The following NTM variants were observed in gnomAD, a reference collection of about 807,000 sequenced individuals.
The protein encoded by NTM is neurotrimin.
Under a neutral mutation model 42.1 loss-of-function variants are expected in NTM, and 13 were observed. The ratio of observed to expected loss-of-function variants is 0.31; its 90% CI spans 0.20 to 0.49. The LOEUF is 0.49. Ranked by LOEUF, NTM falls within the 20% of genes least tolerant of loss-of-function variation. NTM has a pLI of 0.99. For missense variants in NTM, 373 were observed against 452.8 expected (o/e 0.82, Z 1.60); for synonymous variants, 187 against 179.2 (o/e 1.04, Z -0.35).
intron 4 of NTM, among the ~76,000 whole-genome samples, chr11:132,267,466 G>T (rs1456057375): frequency 7.7e-6 from 1 of 130,092 alleles, no homozygotes; most frequent in Non-Finnish European, 1.6e-5. Context: ...CCCTTATCTT[G>T]GGTTCTTGGA....
At chr11:131,929,396 C>T (rs902495686) in intron 2 of NTM, among the ~76,000 whole-genome samples, 5 of 151,812 alleles carry the variant, frequency 3.3e-5, no homozygotes, top group African/African-American at 1.2e-4. Context: ...TATTCTTCGT[C>T]TTATGGGAAG....
intron 1 of NTM, among the ~76,000 whole-genome samples, chr11:131,868,286 C>T (rs574147676): frequency 4.6e-4 from 70 of 152,202 alleles, no homozygotes; most frequent in Non-Finnish European, 9.3e-4. Context: ...CCTTTTTTGT[C>T]CCAGTCTTTC....
At chr11:132,129,392 C>T (rs1033663609) in intron 2 of NTM, among the ~76,000 whole-genome samples, 14 of 152,196 alleles carry the variant, frequency 9.2e-5, no homozygotes, top group African/African-American at 3.4e-4. Flanking sequence ...CAAAGGGAAG[C>T]AAACAGATCC....
chr11:131,954,330 G>A (rs1035586267), intron 2 of NTM, among the ~76,000 whole-genome samples: 3 of 152,200 alleles, frequency 2.0e-5, no homozygotes, highest in African/African-American at 7.2e-5. Flanking sequence ...GAGGCAGGAG[G>A]GTGACTGTCG....
chr11:131,420,549 G>A lies in NTM; in HGVS notation c.82+49661G>A, dbSNP rs544437786. Among the ~76,000 whole-genome samples, 6 of 152,302 alleles carry A rather than the reference G, an allele frequency of 3.9e-5. No individual in the cohort carries two copies. The East Asian group carries it at 9.7e-4, about 25-fold the overall frequency. ...AAACTAACATAGACAGCAATGCTGAGTACATTGTGGAGGCTTAAGGCCCAC... is the reference window on the plus strand; with the variant it reads ...AAACTAACATAGACAGCAATGCTGAATACATTGTGGAGGCTTAAGGCCCAC... On this transcript the variant is annotated intron_variant, in intron 1 of 8. Transcript: ENST00000683400.
At chr11:131,520,305 G>A (rs1480187587) in intron 1 of NTM, among the ~76,000 whole-genome samples, 1 of 152,052 alleles carries the variant, frequency 6.6e-6, no homozygotes, top group Non-Finnish European at 1.5e-5. Context: ...AAACTTTTGA[G>A]ATATTATCAA....
intron 1 of NTM, among the ~76,000 whole-genome samples, chr11:131,406,498 C>A (rs1002405591): frequency 7.2e-5 from 11 of 152,132 alleles, no homozygotes; most frequent in African/African-American, 2.7e-4. Flanking sequence ...GGGATAAGTT[C>A]TAAGATCCCC....
chr11:132,162,219 T>G (rs1463946404), intron 3 of NTM, among the ~76,000 whole-genome samples: 6 of 124,068 alleles, frequency 4.8e-5, no homozygotes, highest in African/African-American at 2.0e-4. Context: ...GTGTATGTGT[T>G]TGTGTGTTTA....
chr11:131,596,912 C>T (rs2458780), intron 1 of NTM, among the ~76,000 whole-genome samples: 64,906 of 152,046 alleles, frequency 0.43, 16,128 homozygotes, highest in East Asian at 0.61. Context: ...CCAGGCCAAG[C>T]TCCAAAACTG....
At chr11:132,025,427 C>A (rs954218308) in intron 2 of NTM, among the ~76,000 whole-genome samples, 2 of 152,152 alleles carry the variant, frequency 1.3e-5, no homozygotes, top group African/African-American at 4.8e-5. Context: ...ACTAGTGCTT[C>A]TCAAAATGTG....
At chr11:131,426,780 G>A (rs537685558) in intron 1 of NTM, among the ~76,000 whole-genome samples, 44 of 152,222 alleles carry the variant, frequency 2.9e-4, no homozygotes, top group East Asian at 1.4e-3. Flanking sequence ...CTTGGGGCAC[G>A]AAAGCGGAGG....
chr11:132,052,522 G>A (rs778153823), intron 2 of NTM, among the ~76,000 whole-genome samples: 3 of 152,212 alleles, frequency 2.0e-5, no homozygotes, highest in Non-Finnish European at 4.4e-5. Context: ...GATTCAGAGA[G>A]ATGTACTCCA....
chr11:131,482,741 G>A (rs2136242638), intron 1 of NTM, among the ~76,000 whole-genome samples: 1 of 152,276 alleles, frequency 6.6e-6, no homozygotes, highest in East Asian at 1.9e-4. Context: ...CTTTTATGAT[G>A]CAAATTTGGG....
At chr11:131,659,865 G>A (rs1271200223) in intron 1 of NTM, among the ~76,000 whole-genome samples, 1 of 152,198 alleles carries the variant, frequency 6.6e-6, no homozygotes, top group Non-Finnish European at 1.5e-5. Flanking sequence ...GGAGCTTGGA[G>A]GAGGAAAGAT....
At chr11:131,828,925 A>G (rs1275767885) in intron 1 of NTM, among the ~76,000 whole-genome samples, 2 of 151,252 alleles carry the variant, frequency 1.3e-5, no homozygotes, top group Non-Finnish European at 2.9e-5. Flanking sequence ...TTACCCTGTC[A>G]TTACCATCTT....
At chr11:132,314,868 G>A (rs2095384010) in intron 7 of NTM, 165 bp downstream of exon 7, 1 of 1,366,982 alleles carries the variant, frequency 7.3e-7, no homozygotes, top group Non-Finnish European at 9.4e-7. Context: ...GGAGAGAGAG[G>A]GACAGAGAGA....
rs149587739 is a variant in NTM at position 131,561,192 on chromosome 11, T to C, written c.82+190304T>C. ...TTCACTGGGCCCCAACATGTCCAAG[T>C]TTCCTGGCTTAGAAGGGCACAGTGT... On this transcript the variant is annotated intron_variant, in intron 1 of 8. Transcript: ENST00000683400. 2.6e-3 allele frequency among the ~76,000 whole-genome samples: 398 copies of C among 152,338 alleles called. 2 individuals carry two copies. The highest frequency in any genetic ancestry group is 0.01 in the Middle Eastern group (3 of 294).
chr11:131,510,315 T>G (rs1237359777), intron 1 of NTM, among the ~76,000 whole-genome samples: 1 of 152,192 alleles, frequency 6.6e-6, no homozygotes, highest in Non-Finnish European at 1.5e-5. Flanking sequence ...TCCCACCACT[T>G]CAGCCCAGAG....
intron 2 of NTM, among the ~76,000 whole-genome samples, chr11:132,038,280 T>C (rs1280997758): frequency 1.3e-5 from 2 of 152,254 alleles, no homozygotes; most frequent in Non-Finnish European, 2.9e-5. Context: ...GCTGCCCTCA[T>C]GCATTCTTTG....
Sources: allele counts gnomAD v4.1 joint callset (sites outside exome capture counted in the v4.1 genomes callset), GRCh38; gene constraint gnomAD v4.1.1; transcripts MANE v1.5; gene names NCBI Gene and HGNC (gene_info 2026-07-23, HGNC 2026-07-21).